EYS: variants seen among roughly 807,000 people sequenced by gnomAD.
EYS encodes EGF-like photoreceptor maintenance factor, also known as protein eyes shut homolog.
Under a neutral mutation model 282.1 loss-of-function variants are expected in EYS, and 250 were observed. That is an observed-to-expected ratio of 0.89 (90% CI 0.80 to 0.98). The LOEUF is 0.98. Among genes scored for constraint, EYS ranks in the 50% least tolerant of loss-of-function variants. The probability of loss-of-function intolerance (pLI) is 0.00; values close to 1 mark genes in which losing one functional copy is unlikely to be tolerated. For missense variants in EYS, 4,016 were observed against 3,709.0 expected (o/e 1.08, Z -2.15); for synonymous variants, 1,355 against 1,282.9 (o/e 1.06, Z -1.20).
At chr6:65,059,569 T>G (rs1422990342) in intron 12 of EYS, among the ~76,000 whole-genome samples, 1 of 152,076 alleles carries the variant, frequency 6.6e-6, no homozygotes, top group Non-Finnish European at 1.5e-5. Context: ...AAAGATAGTC[T>G]TGGGTTCCTA....
chr6:65,518,032 T>G (rs1767208371), intron 2 of EYS, among the ~76,000 whole-genome samples: 1 of 152,074 alleles, frequency 6.6e-6, no homozygotes, highest in East Asian at 1.9e-4. Flanking sequence ...TTAACAGGCT[T>G]AACATATATA....
At chr6:64,517,590 G>T (rs1477426030) in intron 26 of EYS, among the ~76,000 whole-genome samples, 1 of 151,736 alleles carries the variant, frequency 6.6e-6, no homozygotes, top group African/African-American at 2.4e-5. Context: ...AGCAGAACAA[G>T]GGCAAAGTGG....
At chr6:65,367,028 A>G (rs1562126265) in intron 8 of EYS, among the ~76,000 whole-genome samples, 1 of 151,648 alleles carries the variant, frequency 6.6e-6, no homozygotes, top group Non-Finnish European at 1.5e-5. Context: ...CTTATCTTCA[A>G]CGTATCTGCA....
chr6:65,174,314 TCA>T (rs1214858658), intron 12 of EYS, among the ~76,000 whole-genome samples: 1 of 151,380 alleles, frequency 6.6e-6, no homozygotes, highest in African/African-American at 2.4e-5. Context: ...CAAATATTTC[TCA>T]CTCTTTTCCA....
chr6:63,938,358 A>C (rs1765134741), intron 35 of EYS, among the ~76,000 whole-genome samples: 1 of 152,220 alleles, frequency 6.6e-6, no homozygotes, highest in Admixed American at 6.5e-5. Context: ...TACTGTGCTA[A>C]GAAAGGGATG....
At chr6:64,749,947 A>C (rs1772688476) in intron 22 of EYS, among the ~76,000 whole-genome samples, 1 of 152,052 alleles carries the variant, frequency 6.6e-6, no homozygotes, top group South Asian at 2.1e-4. Flanking sequence ...CATTACTTAT[A>C]TCTTTTAATA....
intron 31 of EYS, among the ~76,000 whole-genome samples, chr6:64,083,725 A>T (rs1226700980): frequency 2.0e-5 from 3 of 152,180 alleles, no homozygotes; most frequent in Non-Finnish European, 4.4e-5. Flanking sequence ...ATAAATAACA[A>T]ATAAGTTTTT....
At chr6:63,964,418 T>G (rs1384983731) in intron 35 of EYS, among the ~76,000 whole-genome samples, 3 of 152,342 alleles carry the variant, frequency 2.0e-5, no homozygotes, top group African/African-American at 7.2e-5. Flanking sequence ...AGATTTCTTC[T>G]GAAATCACTT....
chr6:63,874,333 T>G (rs1242505278), intron 35 of EYS, among the ~76,000 whole-genome samples: 1 of 152,214 alleles, frequency 6.6e-6, no homozygotes, highest in Admixed American at 6.5e-5. Context: ...CTGAGGGCTC[T>G]GTTCTGTTCC....
chr6:65,527,388 T>A (rs1582417177), intron 2 of EYS, among the ~76,000 whole-genome samples: 1 of 152,204 alleles, frequency 6.6e-6, no homozygotes, highest in African/African-American at 2.4e-5. Flanking sequence ...ATCTTCTTCA[T>A]TATAGGCCCA....
intron 15 of EYS, among the ~76,000 whole-genome samples, chr6:64,915,738 A>G (rs1344569455): frequency 6.6e-6 from 1 of 152,142 alleles, no homozygotes; most frequent in Non-Finnish European, 1.5e-5. Flanking sequence ...ATTGTCAAAT[A>G]TATTATCCAA....
intron 26 of EYS, among the ~76,000 whole-genome samples, chr6:64,507,078 T>A (rs974118521): frequency 2.2e-4 from 33 of 151,750 alleles, no homozygotes; most frequent in Admixed American, 5.9e-4. Flanking sequence ...TTCAATTAAA[T>A]TAAACATTTT....
chr6:63,996,115 A>G (rs1231145873), intron 34 of EYS, among the ~76,000 whole-genome samples: 1 of 151,972 alleles, frequency 6.6e-6, no homozygotes, highest in Admixed American at 6.6e-5. Context: ...GGAAAACGAT[A>G]TATGTGTAGA....
chr6:64,162,143 G>C (rs1346868446), intron 31 of EYS, among the ~76,000 whole-genome samples: 1 of 151,930 alleles, frequency 6.6e-6, no homozygotes, highest in Non-Finnish European at 1.5e-5. Context: ...CACGTAAAAG[G>C]GTACATGAGA....
At chr6:64,156,678 G>T (rs984590852) in intron 31 of EYS, among the ~76,000 whole-genome samples, 7 of 152,150 alleles carry the variant, frequency 4.6e-5, no homozygotes, top group East Asian at 1.9e-4. Flanking sequence ...TGAGGAACTT[G>T]TTGGGAACTG....
chr6:64,769,931 A>G (rs1056284288), intron 22 of EYS, among the ~76,000 whole-genome samples: 5 of 152,038 alleles, frequency 3.3e-5, no homozygotes, highest in Non-Finnish European at 7.4e-5. Context: ...TGCTTCAGAT[A>G]TGTATATATA....
At chr6:65,353,648 A>C (rs1254421365) in intron 8 of EYS, 31 bp from the exon 9 acceptor site, 1 of 1,588,560 alleles carries the variant, frequency 6.3e-7, no homozygotes, top group Non-Finnish European at 8.6e-7. Context: ...AAAATGGTAA[A>C]TTCTTTTTTG....
chr6:65,303,736 C>T, intron 11 of EYS: 1 of 549,896 alleles, frequency 1.8e-6, no homozygotes, highest in Non-Finnish European at 3.1e-6. Context: ...GTATCAAAAC[C>T]TTCTCTGAGG....
At chr6:64,274,415 G>A (rs1357892343) in intron 30 of EYS, among the ~76,000 whole-genome samples, 1 of 148,928 alleles carries the variant, frequency 6.7e-6, no homozygotes, top group African/African-American at 2.5e-5. Flanking sequence ...CAAGCAATCT[G>A]TCTGCTGTCT....
Sources: gnomAD v4.1 joint callset for allele counts (sites outside exome capture counted in the v4.1 genomes callset) on GRCh38, gnomAD v4.1.1 for gene constraint, MANE v1.5 for transcripts, NCBI Gene and HGNC (gene_info 2026-07-23, HGNC 2026-07-21) for gene names.